Variants in RABL2A observed in about 807,000 individuals in gnomAD.
RABL2A encodes the protein RAB, member of RAS oncogene family like 2A, also known as rab-like protein 2A.
In RABL2A, 17 loss-of-function variants were observed where a neutral mutation model predicts 30.7. The ratio of observed to expected loss-of-function variants is 0.55; its 90% confidence interval spans 0.38 to 0.83. The LOEUF is 0.83. Among genes scored for constraint, RABL2A ranks in the 40% least tolerant of loss-of-function variants. RABL2A has a pLI of 0.00. For synonymous variants in RABL2A, 64 were observed against 101.8 expected (o/e 0.63, Z 2.24); for missense variants, 155 against 272.6 (o/e 0.57, Z 3.04).
intron 2 of RABL2A, among the ~76,000 whole-genome samples, chr2:113,631,783 A>G (rs1220907765): frequency 6.6e-6 from 1 of 151,426 alleles, no homozygotes; most frequent in Non-Finnish European, 1.5e-5. Flanking sequence ...AGGCAAGTTT[A>G]TGGATCTCTC....
At chr2:113,628,533 C>T in intron 1 of RABL2A, 21 bp from the exon 2 acceptor site, 1 of 1,330,342 alleles carries the variant, frequency 7.5e-7, no homozygotes, top group East Asian at 2.4e-5. Flanking sequence ...ACAACAGCCT[C>T]TTGTTGATCT....
Position 113,642,582 on chromosome 2 carries a change from C to T in RABL2A, c.*453C>T. The stretch of plus-strand genomic sequence containing the variant: ...ACAGCTGAGTCTGTGAGGCCCCATC[C>T]TTTCCCTACGTTTTCTCCCATCTTT... On this transcript the variant is annotated 3_prime_UTR_variant, in exon 9 of 9. Coordinates refer to ENST00000683472, the MANE Select transcript of RABL2A (RefSeq NM_001306158.2). 1 of 225,322 alleles carries T rather than the reference C, an allele frequency of 4.4e-6. No homozygotes were observed. Among genetic ancestry groups the T allele is most frequent in the Non-Finnish European group, 8.9e-6 (1 of 112,670 alleles). The allele number at this position is 225,322 out of a possible 1,614,324, so 14.0% of individuals were successfully genotyped here.
In RABL2A at chr2:113,627,378, C is replaced by T. The variant is rs1162082582; in HGVS notation, c.-76C>T. The T allele has an allele frequency of 1.4e-5, 2 of 145,682 alleles. No individual in the cohort carries two copies. The highest frequency in any genetic ancestry group is 6.7e-5 in the Admixed American group (1 of 14,900). 9.0% of individuals were successfully genotyped at this position (145,682 alleles called of 1,614,324 possible). A position where few individuals can be genotyped will look rare whatever the true frequency, so the allele number is the denominator to read the frequency against. On this transcript the variant is annotated 5_prime_UTR_variant, in exon 1 of 9. Transcript: ENST00000683472. Reference sequence around the variant, plus strand: ...CCGACCCGCAGCGTCCCTGGTCTCTCCAGCCCTCACTCGGAACCGCACGTG... The same window carrying T: ...CCGACCCGCAGCGTCCCTGGTCTCTTCAGCCCTCACTCGGAACCGCACGTG...
chr2:113,642,102 A>G lies in RABL2A; in HGVS notation c.663A>G (p.Ser221=). The G allele has an allele frequency of 6.2e-7, 1 of 1,613,690 alleles. No homozygotes were observed. The highest frequency in any genetic ancestry group is 8.5e-7 in the Non-Finnish European group (1 of 1,179,856). The change falls in exon 9 of 9, where the codon TCA becomes TCG. Residue 221 remains serine (S), a synonymous_variant. Coordinates refer to ENST00000683472, the MANE Select transcript of RABL2A (RefSeq NM_001306158.2). ...AGAGCAGCAGCATCGAGACCCCATC[A>G]GAGGAGGTGGCCTCTCCCCACAGCT... The part of the protein sequence containing the change: ...QEQSSSIETP[S]EEVASPHS
chr2:113,634,426 C>T lies in RABL2A; in HGVS notation c.217+194C>T, dbSNP rs1681673673. The T allele has an allele frequency of 9.4e-5, 65 of 690,590 alleles. 1 individual carries two copies. The South Asian group carries it at 1.1e-3, about 11-fold the overall frequency. The allele number at this position is 690,590 out of a possible 1,614,324, so 42.8% of individuals were successfully genotyped here. ...GAAGGGGGCACGCAGGGGCCAAGTCCCAGCCCTCTGACCTGGCGTCCAGGC... is the reference window on the plus strand; with the variant it reads ...GAAGGGGGCACGCAGGGGCCAAGTCTCAGCCCTCTGACCTGGCGTCCAGGC... On this transcript the variant is annotated intron_variant, in intron 4 of 8. Transcript: ENST00000683472.
intron 5 of RABL2A, chr2:113,638,400 T>C: frequency 2.0e-6 from 2 of 985,358 alleles, no homozygotes; most frequent in South Asian, 4.7e-5. Context: ...AGGGTGGTGG[T>C]TGTCTGTAAC....
chr2:113,631,668 G>A (rs1400264814), intron 2 of RABL2A, among the ~76,000 whole-genome samples: 1 of 151,944 alleles, frequency 6.6e-6, no homozygotes, highest in African/African-American at 2.4e-5. Flanking sequence ...ATGAGTCTCT[G>A]GGGCCTCTTT....
intron 7 of RABL2A, 160 bp from the exon 8 acceptor site, chr2:113,641,621 C>T: frequency 2.0e-6 from 2 of 1,007,676 alleles, no homozygotes; most frequent in Non-Finnish European, 3.0e-6. Flanking sequence ...GGCAGAAGTC[C>T]ATTGACCATA....
chr2:113,640,939 T>C lies in RABL2A; in HGVS notation c.343T>C (p.Trp115Arg). The change falls in exon 6 of 9, where the codon TGG becomes CGG. Residue 115 changes from tryptophan to arginine, a missense_variant. Physicochemically the swap from Trp to Arg is moderately radical, Grantham distance 101. This residue lies in a region of RABL2A where 82 missense variants were observed against 103.2 expected (regional missense o/e 0.79). Transcript: ENST00000683472. ...RKVTYRNLST[W>R]YTELREFRPE... The stretch of plus-strand genomic sequence containing the variant: ...AGTCACCTATAGGAACCTGAGCACC[T>C]GGTATACAGAGCTTCGGGAGTTCAG... 6.2e-7 allele frequency: 1 copy of C among 1,613,848 alleles called. No homozygotes were observed. The highest frequency in any genetic ancestry group is 2.2e-5 in the East Asian group (1 of 44,880).
chr2:113,637,680 A>T, intron 5 of RABL2A: 1 of 1,282,634 alleles, frequency 7.8e-7, no homozygotes. Context: ...TGGGGCAAGG[A>T]AAATGGGGGC....
rs543696283 is a variant in RABL2A at position 113,633,991 on chromosome 2, G to T, written c.138-162G>T. ...TCCATGGAGCTTGTACCAGTGGTAT[G>T]TGAAGCTGATCCTCTGTCTGCAACA... On this transcript the variant is annotated intron_variant, in intron 3 of 8. Coordinates refer to ENST00000683472, the MANE Select transcript of RABL2A (RefSeq NM_001306158.2). 2.0e-5 allele frequency: 28 copies of T among 1,407,792 alleles called. No homozygotes were observed. The Admixed American group carries it at 5.9e-4, about 30-fold the overall frequency. 87.2% of individuals were successfully genotyped at this position (1,407,792 alleles called of 1,614,324 possible).
At chr2:113,633,971 G>A (rs1246495071) in intron 3 of RABL2A, 182 bp from the exon 4 acceptor site, 4 of 1,353,024 alleles carry the variant, frequency 3.0e-6, no homozygotes, top group Admixed American at 4.6e-5. Context: ...ACCCTTCCAT[G>A]GAGCTTGTAC....
At chr2:113,632,378 C>T (rs1431428220) in intron 2 of RABL2A, among the ~76,000 whole-genome samples, 7 of 152,150 alleles carry the variant, frequency 4.6e-5, no homozygotes, top group Non-Finnish European at 7.3e-5. Flanking sequence ...ATGGTCCTCT[C>T]AATAACCAAT....
At chr2:113,634,868 C>A (rs1214471141) in intron 4 of RABL2A, among the ~76,000 whole-genome samples, 183 bp from the exon 5 acceptor site, 1 of 152,230 alleles carries the variant, frequency 6.6e-6, no homozygotes, top group Non-Finnish European at 1.5e-5. Flanking sequence ...ACACCTCTCA[C>A]ATCACACTCA....
intron 4 of RABL2A, chr2:113,634,746 C>G (rs1335285241): frequency 2.1e-6 from 1 of 472,810 alleles, no homozygotes; most frequent in Non-Finnish European, 3.9e-6. Context: ...TTAGAGGACC[C>G]TGCGTGTCAC....
chr2:113,633,197 A>G (rs976666865), intron 3 of RABL2A: 11 of 609,756 alleles, frequency 1.8e-5, no homozygotes, highest in African/African-American at 5.6e-5. Flanking sequence ...TAGAATGGCA[A>G]ACAGCAAATG....
intron 4 of RABL2A, 37 bp from the exon 5 acceptor site, chr2:113,635,014 C>T: frequency 1.2e-6 from 2 of 1,614,140 alleles, no homozygotes; most frequent in South Asian, 2.2e-5. Context: ...CACAGAAATG[C>T]ACCAGGCATG....
rs764980278 is a variant in RABL2A at position 113,634,165 on chromosome 2, G to A, written c.150G>A (p.Gln50=). 14 of 1,611,894 alleles carry A rather than the reference G, an allele frequency of 8.7e-6. No individual in the cohort carries two copies. Among genetic ancestry groups the A allele is most frequent in the Middle Eastern group, 1.6e-4 (1 of 6,076 alleles). The change falls in exon 4 of 9, where the codon CAG becomes CAA. Residue 50 remains glutamine, a synonymous_variant. Coordinates refer to ENST00000683472, the MANE Select transcript of RABL2A (RefSeq NM_001306158.2). ...RFLMDGFQPQ[Q]LSTYALTLYK... ...AACCTGAGTGCAGTCAGCCACAGCAGCTGTCCACGTACGCCCTGACCCTGT... is the reference window on the plus strand; with the variant it reads ...AACCTGAGTGCAGTCAGCCACAGCAACTGTCCACGTACGCCCTGACCCTGT...
chr2:113,631,066 T>G (rs1001631114), intron 2 of RABL2A, among the ~76,000 whole-genome samples: 1 of 151,918 alleles, frequency 6.6e-6, no homozygotes, highest in Non-Finnish European at 1.5e-5. Flanking sequence ...CCTAGCTAAT[T>G]TTTTTGTATT....
Sources: allele counts gnomAD v4.1 joint callset (sites outside exome capture counted in the v4.1 genomes callset), GRCh38; gene constraint gnomAD v4.1.1; regional missense constraint gnomAD v4.1.1; transcripts MANE v1.5; gene names NCBI Gene and HGNC (gene_info 2026-07-23, HGNC 2026-07-21).